RGS17: variants seen among roughly 807,000 people sequenced by gnomAD.
The protein encoded by RGS17 is regulator of G protein signaling 17.
RGS17 carries 12 observed loss-of-function variants against 25.5 expected under a neutral mutation model. The observed-to-expected ratio is 0.47, with a 90% CI of 0.30 to 0.76. RGS17 has a LOEUF of 0.76. Ranked by LOEUF, RGS17 falls within the 30% of genes least tolerant of loss-of-function variation. RGS17 has a pLI of 0.07. For missense variants in RGS17, 196 were observed against 242.2 expected (o/e 0.81, Z 1.27); for synonymous variants, 71 against 76.9 (o/e 0.92, Z 0.40).
At chr6:153,085,571 T>A (rs972125869) in intron 1 of RGS17, among the ~76,000 whole-genome samples, 1 of 152,198 alleles carries the variant, frequency 6.6e-6, no homozygotes, top group Admixed American at 6.5e-5. Flanking sequence ...AAGCAGTGCA[T>A]TAATTTATAT....
chr6:153,088,895 T>G (rs1253693261), intron 1 of RGS17, among the ~76,000 whole-genome samples: 1 of 151,652 alleles, frequency 6.6e-6, no homozygotes, highest in Non-Finnish European at 1.5e-5. Flanking sequence ...TGGCCTAGGG[T>G]AAACACTGCA....
At chr6:153,043,508 G>C (rs7755574) in intron 2 of RGS17, among the ~76,000 whole-genome samples, 1 of 149,968 alleles carries the variant, frequency 6.7e-6, no homozygotes, top group Non-Finnish European at 1.5e-5. Context: ...AAAAACACAT[G>C]CAATACTACA....
intron 1 of RGS17, among the ~76,000 whole-genome samples, chr6:153,077,521 T>C (rs1450427797): frequency 6.6e-6 from 1 of 152,210 alleles, no homozygotes; most frequent in Non-Finnish European, 1.5e-5. Context: ...TTTTATGACA[T>C]CTGTGGCCTT....
chr6:153,064,216 G>GAA (rs1776676431), intron 1 of RGS17, among the ~76,000 whole-genome samples: 1 of 152,166 alleles, frequency 6.6e-6, no homozygotes, highest in Non-Finnish European at 1.5e-5. Flanking sequence ...ACTGTGGTAT[G>GAA]TAAACTACTC....
chr6:153,056,304 T>C (rs991419219), intron 1 of RGS17, among the ~76,000 whole-genome samples: 1 of 152,148 alleles, frequency 6.6e-6, no homozygotes, highest in Non-Finnish European at 1.5e-5. Flanking sequence ...GTGTTTCCTC[T>C]GAAGAAGAGA....
At chr6:153,122,213 C>T (rs1274427013) in intron 1 of RGS17, among the ~76,000 whole-genome samples, 5 of 152,054 alleles carry the variant, frequency 3.3e-5, no homozygotes, top group South Asian at 2.1e-4. Context: ...GCTATGATTA[C>T]GTAGGCACCA....
chr6:153,041,435 T>C (rs979779460), intron 2 of RGS17, among the ~76,000 whole-genome samples: 1 of 152,164 alleles, frequency 6.6e-6, no homozygotes, highest in Non-Finnish European at 1.5e-5. Context: ...GCTGTTTTGT[T>C]CTCCATCTAT....
In RGS17 at chr6:153,008,216, C is replaced by G. The variant is rs777493883; in HGVS notation, c.*3358G>C. ...TGAACTATCAGGTAGATAAACAACA[C>G]GTATTTCATTCTGTAAGTCAGAACC... On this transcript the variant is annotated 3_prime_UTR_variant, in exon 5 of 5. Coordinates refer to ENST00000206262, the MANE Select transcript of RGS17 (RefSeq NM_012419.5). The G allele has an allele frequency of 7.2e-5, 11 of 152,008 alleles. No individual in the cohort carries two copies. Among genetic ancestry groups the G allele is most frequent in the African/African-American group, 2.7e-4 (11 of 41,376 alleles). 9.4% of individuals were successfully genotyped at this position (152,008 alleles called of 1,614,324 possible). A position where few individuals can be genotyped will look rare whatever the true frequency, so the allele number is the denominator to read the frequency against.
chr6:153,006,098 G>A lies in RGS17; in HGVS notation c.*5476C>T, dbSNP rs180795866. On this transcript the variant is annotated 3_prime_UTR_variant, in exon 5 of 5. Transcript: ENST00000206262. ...ACTCCTGGGCTCAAGTGATCCTCAC[G>A]CCTTAGTCTCCCAAAGTGCTGGGAT... is the stretch of plus-strand genomic sequence containing the variant. The A allele has an allele frequency of 2.0e-5, 3 of 152,224 alleles. No homozygotes were observed. The highest frequency in any genetic ancestry group is 3.9e-4 in the East Asian group (2 of 5,190). The allele number at this position is 152,224 out of a possible 1,614,324, so 9.4% of individuals were successfully genotyped here.
At chr6:153,107,686 T>C (rs1012678481) in intron 1 of RGS17, among the ~76,000 whole-genome samples, 4 of 152,226 alleles carry the variant, frequency 2.6e-5, no homozygotes, top group Non-Finnish European at 5.9e-5. Context: ...GCTGTAAAAA[T>C]ATCACTTGCT....
chr6:153,029,971 T>C (rs1042423398), intron 2 of RGS17, among the ~76,000 whole-genome samples: 7 of 152,198 alleles, frequency 4.6e-5, no homozygotes, highest in African/African-American at 1.7e-4. Flanking sequence ...TTTTAAGCAA[T>C]AAAAGCCACA....
chr6:153,092,999 A>C (rs1777155173), intron 1 of RGS17, among the ~76,000 whole-genome samples: 1 of 152,222 alleles, frequency 6.6e-6, no homozygotes. Flanking sequence ...GTCCTAACAA[A>C]GACTAAAAAT....
chr6:153,084,854 T>C (rs1256993648), intron 1 of RGS17, among the ~76,000 whole-genome samples: 1 of 152,196 alleles, frequency 6.6e-6, no homozygotes, highest in Non-Finnish European at 1.5e-5. Context: ...AAATTCCAAA[T>C]AGTGAAAATA....
intron 2 of RGS17, among the ~76,000 whole-genome samples, chr6:153,027,930 G>C (rs907692603): frequency 6.6e-6 from 1 of 152,194 alleles, no homozygotes; most frequent in Admixed American, 6.5e-5. Context: ...AGTCTGATAA[G>C]AGAAACCAAG....
chr6:153,095,558 A>C (rs1198517523), intron 1 of RGS17, among the ~76,000 whole-genome samples: 2 of 152,170 alleles, frequency 1.3e-5, no homozygotes, highest in African/African-American at 4.8e-5. Context: ...TAGATACATT[A>C]TTTTATAGAG....
chr6:153,056,240 A>T (rs1776554698), intron 1 of RGS17, among the ~76,000 whole-genome samples: 1 of 152,226 alleles, frequency 6.6e-6, no homozygotes, highest in Admixed American at 6.5e-5. Context: ...TAAAAGGAGG[A>T]GAGTTAACAA....
At chr6:153,027,994 G>A (rs576398296) in intron 2 of RGS17, among the ~76,000 whole-genome samples, 1 of 152,166 alleles carries the variant, frequency 6.6e-6, no homozygotes, top group Non-Finnish European at 1.5e-5. Context: ...TGAGGACGGA[G>A]AGAATGGAGC....
chr6:153,040,181 C>CG (rs1250528339), intron 2 of RGS17, among the ~76,000 whole-genome samples: 1 of 152,018 alleles, frequency 6.6e-6, no homozygotes, highest in African/African-American at 2.4e-5. Context: ...GAGAGACTGA[C>CG]GTGGGGGGAG....
chr6:153,007,350 A>G lies in RGS17; in HGVS notation c.*4224T>C, dbSNP rs1779086399. 1.3e-5 allele frequency: 2 copies of G among 152,202 alleles called. No homozygotes were observed. The highest frequency in any genetic ancestry group is 4.1e-4 in the South Asian group (2 of 4,834). The allele number at this position is 152,202 out of a possible 1,614,324, so 9.4% of individuals were successfully genotyped here. On this transcript the variant is annotated 3_prime_UTR_variant, in exon 5 of 5. Coordinates refer to ENST00000206262, the MANE Select transcript of RGS17 (RefSeq NM_012419.5). ...TTGGATATTGTTTTTGCAGGAGAAC[A>G]AACCCATTGGTCAGAAATTTGAAGA... is the stretch of plus-strand genomic sequence containing the variant.
Sources: gnomAD v4.1 joint callset for allele counts (sites outside exome capture counted in the v4.1 genomes callset) on GRCh38, gnomAD v4.1.1 for gene constraint, MANE v1.5 for transcripts, NCBI Gene and HGNC (gene_info 2026-07-23, HGNC 2026-07-21) for gene names.